TAS2R1: variants seen among roughly 807,000 people sequenced by gnomAD.
The protein encoded by TAS2R1 is taste receptor type 2 member 1.
For missense variants in TAS2R1, 370 were observed against 353.4 expected (o/e 1.05, Z -0.38); for synonymous variants, 141 against 134.2 (o/e 1.05, Z -0.35).
chr5:9,706,998 A>G (rs890390272), intron 1 of TAS2R1, among the ~76,000 whole-genome samples: 3 of 152,076 alleles, frequency 2.0e-5, no homozygotes, highest in African/African-American at 7.3e-5. Context: ...GCACACACAC[A>G]TATTTATTAG....
intron 2 of TAS2R1, among the ~76,000 whole-genome samples, chr5:9,646,375 A>G (rs1215895250): frequency 1.3e-5 from 2 of 152,120 alleles, no homozygotes; most frequent in Non-Finnish European, 2.9e-5. Context: ...TTTGGCATTG[A>G]CTGGCTATAC....
chr5:9,862,900 C>T, the TAS2R1 span: 5 of 152,372 alleles, frequency 3.3e-5, no homozygotes, highest in East Asian at 9.7e-4. Flanking sequence ...CAGGCATGAG[C>T]CACTGCGCCC....
the TAS2R1 span, among the ~76,000 whole-genome samples, chr5:9,737,853 C>G: frequency 1.3e-5 from 2 of 152,150 alleles, no homozygotes; most frequent in African/African-American, 4.8e-5. Flanking sequence ...GCCTCCAAAA[C>G]CCTTCTCAGA....
At chr5:9,806,943 A>G in the TAS2R1 span, among the ~76,000 whole-genome samples, 5 of 152,144 alleles carry the variant, frequency 3.3e-5, no homozygotes, top group African/African-American at 1.2e-4. Context: ...CAGAAGAAAT[A>G]ATCAACAAAG....
rs141197570 is a variant in TAS2R1 at position 9,629,366 on chromosome 5, G to A, written c.667C>T (p.Pro223Ser). ...AGGATAGACAGCAACGCGCTGATGG[G>A]TGCACCCCTGCCAGGAACCCTGCTG... ...AGSRVPGRGAPISALLSILSF... is the reference protein window; with the variant it reads ...AGSRVPGRGASISALLSILSF... Residue 223 changes from proline (P) to serine (S), a missense_variant, in exon 1 of 1, where the codon CCC becomes TCC. Pro to Ser is a moderately conservative substitution (Grantham distance 74). Coordinates refer to ENST00000382492, the MANE Select transcript of TAS2R1 (RefSeq NM_019599.3). 283 of 1,613,924 alleles carry A rather than the reference G, an allele frequency of 1.8e-4. 1 individual carries two copies. The highest frequency in any genetic ancestry group is 4.4e-5 in the South Asian group (4 of 91,058).
At chr5:9,810,151 CACTT>C in the TAS2R1 span, among the ~76,000 whole-genome samples, 2 of 152,218 alleles carry the variant, frequency 1.3e-5, no homozygotes, top group Non-Finnish European at 2.9e-5. Context: ...AGCTATATCT[CACTT>C]ACTCTTCAAC....
At position 9,628,723 on chromosome 5, in the gene TAS2R1, A is replaced by G. The variant is rs1210594403; in HGVS notation, c.*410T>C. Among the ~76,000 whole-genome samples the G allele has an allele frequency of 6.6e-6, 1 of 152,204 alleles. No homozygotes were observed. The highest frequency in any genetic ancestry group is 2.4e-5 in the African/African-American group (1 of 41,452). Reference sequence around the variant, plus strand: ...GTCAGATATTCATGGACCATACAGCATTCATGTGTCCTTCTGACATCACGA... The same window carrying G: ...GTCAGATATTCATGGACCATACAGCGTTCATGTGTCCTTCTGACATCACGA... On this transcript the variant is annotated 3_prime_UTR_variant, in exon 1 of 1. Coordinates refer to ENST00000382492, the MANE Select transcript of TAS2R1 (RefSeq NM_019599.3).
intron 1 of TAS2R1, among the ~76,000 whole-genome samples, chr5:9,688,012 T>G (rs76897552): frequency 0.03 from 4,626 of 152,304 alleles, 86 homozygotes; most frequent in Middle Eastern, 0.054. Flanking sequence ...TCAGCAAACT[T>G]ACAGAGGACC....
the TAS2R1 span, among the ~76,000 whole-genome samples, chr5:9,728,864 C>A: frequency 6.6e-6 from 1 of 152,210 alleles, no homozygotes; most frequent in East Asian, 1.9e-4. Context: ...ATCTCGATCT[C>A]AGCAGGGAAA....
At chr5:9,679,978 T>C (rs1327341104) in intron 1 of TAS2R1, among the ~76,000 whole-genome samples, 1 of 152,134 alleles carries the variant, frequency 6.6e-6, no homozygotes, top group Admixed American at 6.6e-5. Context: ...CTAATTCTAG[T>C]ACTGGGGCAG....
At chr5:9,752,454 A>G in the TAS2R1 span, among the ~76,000 whole-genome samples, 1 of 152,096 alleles carries the variant, frequency 6.6e-6, no homozygotes, top group South Asian at 2.1e-4. Context: ...TCCAACAATT[A>G]CTTAAATATT....
intron 2 of TAS2R1, among the ~76,000 whole-genome samples, chr5:9,657,848 G>C (rs980711329): frequency 6.6e-6 from 1 of 152,166 alleles, no homozygotes; most frequent in Non-Finnish European, 1.5e-5. Context: ...TAGTGTTACT[G>C]AACTGTACAC....
At chr5:9,736,038 G>T in the TAS2R1 span, among the ~76,000 whole-genome samples, 1 of 152,190 alleles carries the variant, frequency 6.6e-6, no homozygotes, top group African/African-American at 2.4e-5. Flanking sequence ...TACTCATAGA[G>T]TATCTCGTGC....
At chr5:9,808,299 TA>T in the TAS2R1 span, among the ~76,000 whole-genome samples, 145 of 152,302 alleles carry the variant, frequency 9.5e-4, no homozygotes, top group Non-Finnish European at 1.9e-3. Context: ...CCCTATTATA[TA>T]GTGGCAAAGA....
At chr5:9,797,411 G>A in the TAS2R1 span, among the ~76,000 whole-genome samples, 4 of 152,252 alleles carry the variant, frequency 2.6e-5, no homozygotes, top group Admixed American at 6.5e-5. Context: ...AAGGCAGCCC[G>A]AAGTTTGCAC....
At chr5:9,759,273 C>T in the TAS2R1 span, among the ~76,000 whole-genome samples, 1 of 152,190 alleles carries the variant, frequency 6.6e-6, no homozygotes, top group East Asian at 1.9e-4. Context: ...CTCAGTCTCT[C>T]CCACTGACAC....
At chr5:9,672,000 A>C (rs1214774778) in intron 1 of TAS2R1, among the ~76,000 whole-genome samples, 1 of 152,138 alleles carries the variant, frequency 6.6e-6, no homozygotes, top group African/African-American at 2.4e-5. Flanking sequence ...ACCTACCACC[A>C]AGTGATCTTT....
At chr5:9,772,820 T>C in the TAS2R1 span, among the ~76,000 whole-genome samples, 1 of 152,174 alleles carries the variant, frequency 6.6e-6, no homozygotes, top group African/African-American at 2.4e-5. Context: ...CTACTTCTGC[T>C]CTTTTTTGGT....
intron 1 of TAS2R1, among the ~76,000 whole-genome samples, chr5:9,708,307 G>A (rs1021605502): frequency 6.6e-6 from 1 of 152,176 alleles, no homozygotes; most frequent in Admixed American, 6.5e-5. Flanking sequence ...GAATCCTTGA[G>A]GTGCTGTGCC....
Sources: gnomAD v4.1 joint callset for allele counts (sites outside exome capture counted in the v4.1 genomes callset) on GRCh38, gnomAD v4.1.1 for gene constraint, MANE v1.5 for transcripts, NCBI Gene and HGNC (gene_info 2026-07-23, HGNC 2026-07-21) for gene names.